SHANK2: variants seen among roughly 807,000 people sequenced by gnomAD.
SHANK2 encodes the protein SH3 and multiple ankyrin repeat domains 2.
A neutral mutation model predicts 133.7 loss-of-function variants in SHANK2; 43 were observed. That is an observed-to-expected ratio of 0.32 (90% CI 0.25 to 0.41). SHANK2 has a LOEUF of 0.41. Ranked by LOEUF, SHANK2 falls within the 10% of genes least tolerant of loss-of-function variation. The pLI, the probability that SHANK2 is intolerant of heterozygous loss-of-function variation, is 1.00. For synonymous variants in SHANK2, 1,017 were observed against 952.8 expected (o/e 1.07, Z -1.24); for missense variants, 1,994 against 2,235.8 (o/e 0.89, Z 2.18).
intron 11 of SHANK2, among the ~76,000 whole-genome samples, chr11:70,823,948 G>T (rs1387325394): frequency 6.7e-6 from 1 of 149,536 alleles, no homozygotes; most frequent in Non-Finnish European, 1.5e-5. Context: ...GAGCTCACAG[G>T]TACAGAGGTG....
intron 10 of SHANK2, among the ~76,000 whole-genome samples, chr11:70,947,575 A>T (rs1356467637): frequency 6.6e-6 from 1 of 152,146 alleles, no homozygotes; most frequent in Non-Finnish European, 1.5e-5. Flanking sequence ...CATGTTGGCC[A>T]GGATGGTCTT....
chr11:70,705,817 C>A (rs1428209130), intron 14 of SHANK2: 1 of 152,474 alleles, frequency 6.6e-6, no homozygotes, highest in Non-Finnish European at 1.5e-5. Context: ...CTAGTCTGAA[C>A]CACCATGATC....
intron 3 of SHANK2, among the ~76,000 whole-genome samples, chr11:71,121,306 A>C (rs1555101432): frequency 6.6e-6 from 1 of 152,230 alleles, no homozygotes; most frequent in African/African-American, 2.4e-5. Flanking sequence ...TGCCCCTCTA[A>C]ATAAATGTTG....
intron 11 of SHANK2, among the ~76,000 whole-genome samples, chr11:70,888,772 G>A (rs782099794): frequency 3.3e-5 from 5 of 151,950 alleles, no homozygotes; most frequent in South Asian, 2.1e-4. Flanking sequence ...AACTGAAACC[G>A]CTCCACTGTA....
At chr11:70,667,660 C>T (rs1486996468) in intron 15 of SHANK2, among the ~76,000 whole-genome samples, 1 of 152,204 alleles carries the variant, frequency 6.6e-6, no homozygotes, top group African/African-American at 2.4e-5. Context: ...ATCTGTCAGT[C>T]ACTTTAACAA....
chr11:70,896,658 A>C, intron 10 of SHANK2, 91 bp from the exon 11 acceptor site: 1 of 668,932 alleles, frequency 1.5e-6, no homozygotes, highest in South Asian at 1.7e-5. Context: ...CTAACACCAA[A>C]AGAAGTCCAA....
At chr11:71,195,346 G>T (rs1555116047) in intron 2 of SHANK2, among the ~76,000 whole-genome samples, 1 of 151,924 alleles carries the variant, frequency 6.6e-6, no homozygotes, top group East Asian at 1.9e-4. Context: ...GAGCCGAGAT[G>T]GCGCCACTGC....
intron 12 of SHANK2, among the ~76,000 whole-genome samples, chr11:70,818,347 T>C (rs1948445006): frequency 1.3e-5 from 2 of 152,186 alleles, no homozygotes; most frequent in African/African-American, 4.8e-5. Context: ...ATGTGCATTC[T>C]GTCCCCCGTT....
intron 17 of SHANK2, among the ~76,000 whole-genome samples, chr11:70,504,569 C>A (rs1269878961): frequency 6.6e-6 from 1 of 152,180 alleles, no homozygotes; most frequent in Admixed American, 6.5e-5. Context: ...ATCCAGTGTC[C>A]TGGGTCCACT....
At chr11:71,231,552 C>G (rs1450385534) in intron 1 of SHANK2, among the ~76,000 whole-genome samples, 1 of 152,112 alleles carries the variant, frequency 6.6e-6, no homozygotes, top group Admixed American at 6.5e-5. Flanking sequence ...CCATGTGACC[C>G]AAAAACCACA....
At chr11:70,741,940 G>T (rs1946535825) in intron 14 of SHANK2, among the ~76,000 whole-genome samples, 1 of 152,194 alleles carries the variant, frequency 6.6e-6, no homozygotes, top group African/African-American at 2.4e-5. Flanking sequence ...CCTGAGAACT[G>T]TTAAGGAAAG....
At chr11:70,747,818 G>A (rs988149425) in intron 14 of SHANK2, among the ~76,000 whole-genome samples, 5 of 152,328 alleles carry the variant, frequency 3.3e-5, no homozygotes, top group Non-Finnish European at 5.9e-5. Context: ...GAGTGTCCAC[G>A]TGTGCATGCA....
At chr11:70,715,362 G>A (rs1254604364) in intron 14 of SHANK2, among the ~76,000 whole-genome samples, 2 of 152,180 alleles carry the variant, frequency 1.3e-5, no homozygotes, top group Non-Finnish European at 2.9e-5. Context: ...AAGCTCAGTG[G>A]ATGCCTCCCA....
Position 70,804,690 on chromosome 11 carries a change from T to C in SHANK2, c.1663+2312A>G, listed in dbSNP as rs1948123013. ...CCTTCTTTCCTTTGTTGAATCATTC[T>C]ATCAAACCCAGGGAGTTGGACAGGG... On this transcript the variant is annotated intron_variant, in intron 13 of 25. Coordinates refer to ENST00000601538, the MANE Select transcript of SHANK2 (RefSeq NM_012309.5). The surrounding 1 kb of genome is among the most constrained non-coding windows in gnomAD (Gnocchi z 4.1). 6.6e-6 allele frequency among the ~76,000 whole-genome samples: 1 copy of C among 152,170 alleles called. No individual in the cohort carries two copies. Among genetic ancestry groups the C allele is most frequent in the South Asian group, 2.1e-4 (1 of 4,836 alleles).
At chr11:70,630,609 T>C (rs1555001785) in intron 17 of SHANK2, among the ~76,000 whole-genome samples, 1 of 151,962 alleles carries the variant, frequency 6.6e-6, no homozygotes, top group African/African-American at 2.4e-5. Context: ...TTGGTGCCCT[T>C]ATAAGGAGGG....
At chr11:70,877,216 C>G (rs565526545) in intron 11 of SHANK2, among the ~76,000 whole-genome samples, 1 of 152,234 alleles carries the variant, frequency 6.6e-6, no homozygotes, top group South Asian at 2.1e-4. Context: ...GTGCCCCGCT[C>G]GCTGGATAAC....
chr11:70,662,726 A>G lies in SHANK2; in HGVS notation c.1854-1048T>C, dbSNP rs190001663. ...AAGGAAAGAAACCAAAAAAGCTCCA[A>G]CTTTGCTCTAGTGGCCACAGTGTCC... On this transcript the variant is annotated intron_variant, in intron 15 of 25. Coordinates refer to ENST00000601538, the MANE Select transcript of SHANK2 (RefSeq NM_012309.5). Among the ~76,000 whole-genome samples the G allele has an allele frequency of 1.4e-3, 220 of 152,020 alleles. 1 individual carries two copies. Among genetic ancestry groups the G allele is most frequent in the African/African-American group, 5.0e-3 (207 of 41,474 alleles).
rs556244116 is a variant in SHANK2 at position 70,800,053 on chromosome 11, A to C, written c.1664-1497T>G. On this transcript the variant is annotated intron_variant, in intron 13 of 25. Transcript: ENST00000601538. ...TTTTTTTGTTTTTTGTTTTTTTTAG[A>C]GGCTTTGTCACCCAGGCTGAAGTGC... 1.3e-3 allele frequency among the ~76,000 whole-genome samples: 191 copies of C among 151,554 alleles called. 3 individuals carry two copies. The highest frequency in any genetic ancestry group is 4.4e-3 in the African/African-American group (181 of 41,326).
intron 17 of SHANK2, among the ~76,000 whole-genome samples, chr11:70,576,042 T>C (rs1229107229): frequency 6.6e-6 from 1 of 152,016 alleles, no homozygotes; most frequent in Non-Finnish European, 1.5e-5. Flanking sequence ...AGAGTGGAAA[T>C]GTGTTCCCCC....
Sources: allele counts gnomAD v4.1 joint callset (sites outside exome capture counted in the v4.1 genomes callset), GRCh38; gene constraint gnomAD v4.1.1; non-coding constraint Gnocchi (gnomAD v3.1); transcripts MANE v1.5; gene names NCBI Gene and HGNC (gene_info 2026-07-23, HGNC 2026-07-21).